Variants in METAP2 observed in about 807,000 individuals in gnomAD.
METAP2 encodes the protein methionine aminopeptidase 2.
METAP2 carries 25 observed loss-of-function variants against 59.4 expected under a neutral mutation model. The ratio of observed to expected loss-of-function variants is 0.42; its 90% CI spans 0.31 to 0.59. The LOEUF (loss-of-function observed/expected upper bound fraction) is 0.59, where lower values mean the gene tolerates loss of function less well. Ranked by LOEUF, METAP2 falls within the 20% of genes least tolerant of loss-of-function variation. The pLI, the probability that METAP2 is intolerant of heterozygous loss-of-function variation, is 0.16. For missense variants in METAP2, 366 were observed against 581.2 expected, an observed-to-expected ratio of 0.63 and a Z score of 3.81; for synonymous variants, 214 against 194.1, an observed-to-expected ratio of 1.10 and a Z score of -0.85.
chr12:95,509,358 A>G (rs892404538), intron 8 of METAP2, among the ~76,000 whole-genome samples: 3 of 152,258 alleles, frequency 2.0e-5, no homozygotes, highest in African/African-American at 4.8e-5. Context: ...GGAATGCCAT[A>G]GTAAACTTGT....
chr12:95,503,953 C>A, intron 7 of METAP2, 112 bp from the exon 8 acceptor site: 1 of 713,522 alleles, frequency 1.4e-6, no homozygotes, highest in Non-Finnish European at 2.4e-6. Context: ...CAGGAAGTTA[C>A]AATGTACAAA....
At chr12:95,496,813 T>C (rs2076278551) in intron 7 of METAP2, among the ~76,000 whole-genome samples, 1 of 146,564 alleles carries the variant, frequency 6.8e-6, no homozygotes, top group East Asian at 2.0e-4. Flanking sequence ...CATATTAACT[T>C]TTTCTTTCTT....
intron 3 of METAP2, 109 bp from the exon 4 acceptor site, chr12:95,485,770 T>G (rs1594416090): frequency 1.5e-6 from 1 of 681,596 alleles, no homozygotes; most frequent in Non-Finnish European, 2.4e-6. Context: ...CAGCAAGGAG[T>G]TTCCTTAAAA....
At chr12:95,500,051 T>A (rs1006875113) in intron 7 of METAP2, among the ~76,000 whole-genome samples, 1 of 152,196 alleles carries the variant, frequency 6.6e-6, no homozygotes, top group Non-Finnish European at 1.5e-5. Flanking sequence ...CCGTATCAGA[T>A]GTGTTTCCAT....
chr12:95,483,502 G>A (rs1471875939), intron 3 of METAP2: 11 of 401,576 alleles, frequency 2.7e-5, no homozygotes, highest in African/African-American at 1.7e-4. Flanking sequence ...AAAAAAAGAA[G>A]TGGTTATTCA....
At chr12:95,513,021 T>G in intron 10 of METAP2, 105 bp downstream of exon 10, 1 of 630,006 alleles carries the variant, frequency 1.6e-6, no homozygotes, top group Non-Finnish European at 2.7e-6. Context: ...TATTCATGAA[T>G]GTAGAGTTCT....
chr12:95,475,931 G>T, intron 1 of METAP2, 140 bp from the exon 2 acceptor site: 1 of 556,786 alleles, frequency 1.8e-6, no homozygotes, highest in East Asian at 3.1e-5. Flanking sequence ...GTCATTAAAC[G>T]AATTCTGTTA....
intron 4 of METAP2, among the ~76,000 whole-genome samples, chr12:95,486,518 A>G (rs2076197986): frequency 6.7e-6 from 1 of 150,356 alleles, no homozygotes; most frequent in East Asian, 1.9e-4. Context: ...TTTTTTTGAG[A>G]CAGAGTTTCA....
chr12:95,494,164 T>C lies in METAP2; in HGVS notation c.537T>C (p.Val179=), dbSNP rs1306386731. Residue 179 remains valine, a synonymous_variant, in exon 5 of 11, where the codon GTT becomes GTC. Coordinates refer to ENST00000323666, the MANE Select transcript of METAP2 (RefSeq NM_006838.4). ...FREAAEAHRQ[V]RKYVMSWIKP... is the part of the protein sequence containing the mutation. ...AAGCTGCAGAAGCACATCGACAAGT[T>C]AGAAAATACGTAATGAGCTGGATCA... 1 of 1,614,056 alleles carries C rather than the reference T, an allele frequency of 6.2e-7. No homozygotes were observed. Among genetic ancestry groups the C allele is most frequent in the Non-Finnish European group, 8.5e-7 (1 of 1,179,968 alleles).
At chr12:95,479,627 T>C (rs1594410719) in intron 2 of METAP2, among the ~76,000 whole-genome samples, 1 of 152,124 alleles carries the variant, frequency 6.6e-6, no homozygotes, top group African/African-American at 2.4e-5. Flanking sequence ...TTTTTTTTTT[T>C]TGAGACGGAG....
At chr12:95,491,170 A>G (rs565281635) in intron 4 of METAP2, among the ~76,000 whole-genome samples, 3 of 150,034 alleles carry the variant, frequency 2.0e-5, no homozygotes, top group African/African-American at 7.4e-5. Context: ...CATTTGGAAT[A>G]TCTATCTTCC....
chr12:95,509,033 G>A (rs2076382529), intron 8 of METAP2, among the ~76,000 whole-genome samples: 2 of 152,240 alleles, frequency 1.3e-5, no homozygotes, highest in South Asian at 4.2e-4. Context: ...GGCCATCAAA[G>A]GAGTATCTTA....
At position 95,476,012 on chromosome 12, in the gene METAP2, A is replaced by G. The variant is rs754193797; in HGVS notation, c.152-59A>G. 5 of 976,974 alleles carry G rather than the reference A, an allele frequency of 5.1e-6. No individual in the cohort carries two copies. In the Admixed American group the frequency reaches 1.0e-4, roughly 20 times the overall value. The allele number at this position is 976,974 out of a possible 1,614,324, so 60.5% of individuals were successfully genotyped here. ...GTAAGTTTTCCAAGATCATTAGAGCATATTCTAGTGGGAAAGTGTCTGTAT... is the reference window on the plus strand; with the variant it reads ...GTAAGTTTTCCAAGATCATTAGAGCGTATTCTAGTGGGAAAGTGTCTGTAT... On this transcript the variant is annotated intron_variant, in intron 1 of 10. Coordinates refer to ENST00000323666, the MANE Select transcript of METAP2 (RefSeq NM_006838.4).
chr12:95,503,416 T>C (rs991849345), intron 7 of METAP2, among the ~76,000 whole-genome samples: 2 of 152,144 alleles, frequency 1.3e-5, no homozygotes, highest in Non-Finnish European at 2.9e-5. Flanking sequence ...AAAATGAGTA[T>C]GGACGGGAGG....
At chr12:95,507,475 T>C (rs934331331) in intron 8 of METAP2, among the ~76,000 whole-genome samples, 4 of 152,264 alleles carry the variant, frequency 2.6e-5, no homozygotes, top group African/African-American at 9.6e-5. Flanking sequence ...AATACCAGGA[T>C]TGGCAAATGC....
chr12:95,501,325 AC>A (rs1447472319), intron 7 of METAP2, among the ~76,000 whole-genome samples: 1 of 152,164 alleles, frequency 6.6e-6, no homozygotes, highest in Non-Finnish European at 1.5e-5. Context: ...ACTGTGTCCG[AC>A]CTAATAATTC....
intron 2 of METAP2, among the ~76,000 whole-genome samples, chr12:95,477,080 G>A (rs1480539712): frequency 6.6e-6 from 1 of 151,846 alleles, no homozygotes; most frequent in Non-Finnish European, 1.5e-5. Flanking sequence ...GTGCCTGACT[G>A]CACGTTTGTT....
intron 7 of METAP2, among the ~76,000 whole-genome samples, chr12:95,503,405 A>G (rs1039016068): frequency 2.0e-5 from 3 of 152,200 alleles, no homozygotes; most frequent in African/African-American, 7.2e-5. Context: ...GGAGAACAAG[A>G]AAAATGAGTA....
chr12:95,513,721 A>G lies in METAP2; in HGVS notation c.1254A>G (p.Arg418=), dbSNP rs1436206606. 3.1e-6 allele frequency: 5 copies of G among 1,614,128 alleles called. No individual in the cohort carries two copies. In the African/African-American group the frequency reaches 6.7e-5, roughly 22 times the overall value. ...ENFGTLAFCR[R]WLDRLGESKY... is the part of the protein sequence containing the mutation. ...TTGGAACCCTTGCCTTCTGCCGCAG[A>G]TGGCTGGATCGCTTGGGAGAAAGTA... Residue 418 remains arginine (R), a synonymous_variant, in exon 11 of 11, where the codon AGA becomes AGG. Transcript: ENST00000323666.
Sources: allele counts gnomAD v4.1 joint callset (sites outside exome capture counted in the v4.1 genomes callset), GRCh38; gene constraint gnomAD v4.1.1; transcripts MANE v1.5; gene names NCBI Gene and HGNC (gene_info 2026-07-23, HGNC 2026-07-21).